WDR1: variants seen among roughly 807,000 people sequenced by gnomAD.
The protein encoded by WDR1 is WD repeat-containing protein 1.
WDR1 carries 21 observed loss-of-function variants against 71.9 expected under a neutral mutation model. The observed-to-expected ratio is 0.29, with a 90% confidence interval of 0.21 to 0.42. WDR1 has a LOEUF of 0.42. Ranked by LOEUF, WDR1 falls within the 10% of genes least tolerant of loss-of-function variation. The pLI is 1.00. For synonymous variants in WDR1, 424 were observed against 347.4 expected, an observed-to-expected ratio of 1.22 and a Z score of -2.45; for missense variants, 696 against 824.5, an observed-to-expected ratio of 0.84 and a Z score of 1.91.
chr4:10,077,695 C>A, intron 13 of WDR1, 58 bp downstream of exon 13: 1 of 1,489,190 alleles, frequency 6.7e-7, no homozygotes. Context: ...CAGATAACCT[C>A]CCACTGCCAC....
chr4:10,115,793 A>G (rs1180860583), intron 2 of WDR1: 1 of 234,380 alleles, frequency 4.3e-6, no homozygotes, highest in Non-Finnish European at 8.5e-6. Flanking sequence ...GAACTAATCT[A>G]ATCTCCCATC....
intron 2 of WDR1, among the ~76,000 whole-genome samples, chr4:10,107,040 G>A (rs891750970): frequency 7.2e-5 from 11 of 152,132 alleles, no homozygotes; most frequent in Non-Finnish European, 1.5e-4. Context: ...CTTATTTGGG[G>A]AAAAACTCTG....
At position 10,080,605 on chromosome 4, in the gene WDR1, C is replaced by T. The variant is rs116074754; in HGVS notation, c.1284+752G>A. On this transcript the variant is annotated intron_variant, in intron 11 of 14. Transcript: ENST00000499869. ...GCTTTCTTTAGCAGGGCTCGCCACT[C>T]GTGCCAACAGGTGCCCCTTGACTTC... Among the ~76,000 whole-genome samples the T allele has an allele frequency of 4.9e-3, 741 of 152,378 alleles. 8 individuals carry two copies. The highest frequency in any genetic ancestry group is 0.017 in the African/African-American group (699 of 41,594).
rs1765081464 is a variant in WDR1 at position 10,083,172 on chromosome 4, C to A, written c.1046G>T (p.Trp349Leu). ...SGSHDGHINY[W>L]DSETGENDSF... ...GTCGTTCTCCCCCGTCTCTGAATCC[C>A]AGTAATGTAGGGTGGGGTTAAGGAA... Residue 349 changes from tryptophan to leucine, a missense_variant, in exon 10 of 15, where the codon TGG (tryptophan) becomes TTG (leucine). Transcript: ENST00000499869. The A allele has an allele frequency of 2.5e-6, 4 of 1,613,480 alleles. No homozygotes were observed. Among genetic ancestry groups the A allele is most frequent in the Non-Finnish European group, 3.4e-6 (4 of 1,179,676 alleles).
chr4:10,094,459 A>G (rs1211068173), intron 5 of WDR1, among the ~76,000 whole-genome samples: 2 of 152,218 alleles, frequency 1.3e-5, no homozygotes, highest in African/African-American at 4.8e-5. Flanking sequence ...TACCTATCCC[A>G]GGAGCCTGCC....
intron 5 of WDR1, chr4:10,094,897 G>A (rs1387750613): frequency 2.6e-5 from 4 of 152,236 alleles, no homozygotes; most frequent in Non-Finnish European, 4.4e-5. Flanking sequence ...GTACTGAAAC[G>A]CCTTCAGAAC....
chr4:10,115,083 A>G (rs1006167300), intron 2 of WDR1, among the ~76,000 whole-genome samples: 1 of 152,244 alleles, frequency 6.6e-6, no homozygotes, highest in Admixed American at 6.5e-5. Flanking sequence ...GCTGACTTTA[A>G]GTTGACAACC....
intron 4 of WDR1, 114 bp from the exon 5 acceptor site, chr4:10,098,005 C>CA: frequency 9.0e-7 from 1 of 1,109,450 alleles, no homozygotes; most frequent in Non-Finnish European, 1.2e-6. Context: ...GAGTGACTGT[C>CA]AGCAGGCAGC....
At chr4:10,103,309 C>T (rs952695420) in intron 3 of WDR1, among the ~76,000 whole-genome samples, 10 of 151,838 alleles carry the variant, frequency 6.6e-5, no homozygotes, top group South Asian at 4.2e-4. Flanking sequence ...CACACACACA[C>T]ACACACACAC....
In WDR1 at chr4:10,099,145, G is replaced by A. The variant is rs1354078203; in HGVS notation, c.230-6C>T. On this transcript the variant is annotated splice_polypyrimidine_tract_variant and splice_region_variant and intron_variant, in intron 3 of 14. Transcript: ENST00000499869. The stretch of plus-strand genomic sequence containing the variant: ...CCTCAGCTTCCCAGACACATCTGTG[G>A]GGCACAGCGGGCGGGGGAGGGGGGG... The A allele has an allele frequency of 1.9e-6, 3 of 1,607,112 alleles. No individual in the cohort carries two copies. In the African/African-American group the frequency reaches 4.0e-5, roughly 22 times the overall value.
intron 8 of WDR1, among the ~76,000 whole-genome samples, chr4:10,087,082 G>A (rs919110344): frequency 6.6e-6 from 1 of 152,222 alleles, no homozygotes; most frequent in Non-Finnish European, 1.5e-5. Context: ...GGGTTCAGAA[G>A]CAGGCACCTT....
chr4:10,094,127 T>C (rs1270773841), intron 5 of WDR1, among the ~76,000 whole-genome samples: 1 of 152,156 alleles, frequency 6.6e-6, no homozygotes, highest in East Asian at 1.9e-4. Context: ...CCACCTACAA[T>C]CACAGCTTGT....
At chr4:10,093,952 C>G (rs1712169458) in intron 5 of WDR1, among the ~76,000 whole-genome samples, 1 of 152,260 alleles carries the variant, frequency 6.6e-6, no homozygotes. Flanking sequence ...GAAGGCAGCA[C>G]TTCCGGTAAC....
chr4:10,109,058 C>T lies in WDR1; in HGVS notation c.139-5072G>A, dbSNP rs976187866. The stretch of plus-strand genomic sequence containing the variant: ...TGTTTATCAAGAAACAAATCCCCAC[C>T]GGCCACTTACTATTCACTCTCAGAC... On this transcript the variant is annotated intron_variant, in intron 2 of 14. Coordinates refer to ENST00000499869, the MANE Select transcript of WDR1 (RefSeq NM_017491.5). Among the ~76,000 whole-genome samples the T allele has an allele frequency of 6.6e-5, 10 of 152,254 alleles. No individual in the cohort carries two copies. The East Asian group carries it at 7.7e-4, about 12-fold the overall frequency.
chr4:10,112,655 T>G (rs1045620573), intron 2 of WDR1, among the ~76,000 whole-genome samples: 1 of 152,226 alleles, frequency 6.6e-6, no homozygotes, highest in Non-Finnish European at 1.5e-5. Flanking sequence ...CTCTTAGGTA[T>G]GAAAGGCGAT....
At chr4:10,103,267 T>TAC (rs5856031) in intron 3 of WDR1, among the ~76,000 whole-genome samples, 59 of 143,014 alleles carry the variant, frequency 4.1e-4, no homozygotes, top group Middle Eastern at 3.6e-3. Flanking sequence ...CATTCACACA[T>TAC]ACACACACAC....
intron 2 of WDR1, among the ~76,000 whole-genome samples, chr4:10,114,519 C>G (rs944487612): frequency 6.6e-6 from 1 of 152,212 alleles, no homozygotes; most frequent in Admixed American, 6.5e-5. Context: ...GGCCCCCTCC[C>G]TGGAAGTCAA....
chr4:10,095,691 G>C (rs1006295215), intron 5 of WDR1, among the ~76,000 whole-genome samples: 1 of 152,208 alleles, frequency 6.6e-6, no homozygotes, highest in African/African-American at 2.4e-5. Context: ...GTGGGCAGTT[G>C]AGTCCGCACA....
intron 2 of WDR1, among the ~76,000 whole-genome samples, chr4:10,110,733 CAG>C (rs367859466): frequency 1.8e-3 from 268 of 152,312 alleles, no homozygotes; most frequent in East Asian, 7.1e-3. Flanking sequence ...GGTTCTTTAC[CAG>C]AGTTTTCAAC....
Sources: gnomAD v4.1 joint callset for allele counts (sites outside exome capture counted in the v4.1 genomes callset) on GRCh38, gnomAD v4.1.1 for gene constraint, MANE v1.5 for transcripts, NCBI Gene and HGNC (gene_info 2026-07-23, HGNC 2026-07-21) for gene names.